GNAI1: variants seen among roughly 807,000 people sequenced by gnomAD.
GNAI1 encodes the protein guanine nucleotide-binding protein G(i) subunit alpha-1.
Under a neutral mutation model 38.9 loss-of-function variants are expected in GNAI1, and 11 were observed. That is an observed-to-expected ratio of 0.28 (90% CI 0.18 to 0.47). GNAI1 has a LOEUF of 0.47. GNAI1 is among the 20% of genes least tolerant of loss of function. The probability of loss-of-function intolerance (pLI) is 0.99; values close to 1 mark genes in which losing one functional copy is unlikely to be tolerated. For synonymous variants in GNAI1, 166 were observed against 145.1 expected, an observed-to-expected ratio of 1.14 and a Z score of -1.04; for missense variants, 317 against 436.9, an observed-to-expected ratio of 0.73 and a Z score of 2.45.
chr7:80,189,085 A>G lies in GNAI1; in HGVS notation c.162-5A>G, dbSNP rs758057840. 3.1e-6 allele frequency: 5 copies of G among 1,606,312 alleles called. No individual in the cohort carries two copies. Among genetic ancestry groups the G allele is most frequent in the South Asian group, 1.1e-5 (1 of 90,514 alleles). On this transcript the variant is annotated splice_polypyrimidine_tract_variant and splice_region_variant and intron_variant, in intron 2 of 7. Coordinates refer to ENST00000649796, the MANE Select transcript of GNAI1 (RefSeq NM_002069.6). The stretch of plus-strand genomic sequence containing the variant: ...AATTCTTTTTTTTCCCTTTTGTCTC[A>G]TTAGAATTATCCATGAAGCTGGTTA...
chr7:80,145,987 TTA>T (rs1787614226), intron 1 of GNAI1, among the ~76,000 whole-genome samples: 4 of 152,186 alleles, frequency 2.6e-5, no homozygotes, highest in Admixed American at 2.6e-4. Context: ...ATCAGGAAAA[TTA>T]TATGTTGCAT....
Position 80,211,117 on chromosome 7 carries a change from A to G in GNAI1, c.720+19A>G, listed in dbSNP as rs930195258. ...AGAAATGGCAAGTAGAACTACTTTA[A>G]GAGTTGAGCTTGAAACATGAAGAGC... On this transcript the variant is annotated intron_variant, in intron 6 of 7. Transcript: ENST00000649796. The G allele has an allele frequency of 6.2e-7, 1 of 1,609,040 alleles. No individual in the cohort carries two copies. The highest frequency in any genetic ancestry group is 1.3e-5 in the African/African-American group (1 of 74,798).
chr7:80,212,624 C>CT, intron 6 of GNAI1, 92 bp from the exon 7 acceptor site: 1 of 696,324 alleles, frequency 1.4e-6, no homozygotes, highest in Non-Finnish European at 2.3e-6. Context: ...AATCACTAAA[C>CT]TCTGTTTTAT....
chr7:80,182,218 A>G (rs1788307329), intron 1 of GNAI1, among the ~76,000 whole-genome samples: 1 of 152,216 alleles, frequency 6.6e-6, no homozygotes, highest in South Asian at 2.1e-4. Flanking sequence ...CATTGTGTAT[A>G]TATACACAAC....
intron 5 of GNAI1, among the ~76,000 whole-genome samples, chr7:80,208,871 T>C (rs547937626): frequency 1.3e-5 from 2 of 152,332 alleles, no homozygotes; most frequent in South Asian, 4.1e-4. Context: ...GCCAGCTGTT[T>C]GCCACTTTAT....
At chr7:80,181,346 C>T (rs1562834199) in intron 1 of GNAI1, among the ~76,000 whole-genome samples, 1 of 152,104 alleles carries the variant, frequency 6.6e-6, no homozygotes. Flanking sequence ...CTTATAAACA[C>T]AAACTCAAAT....
At chr7:80,168,937 C>G (rs1204930961) in intron 1 of GNAI1, among the ~76,000 whole-genome samples, 1 of 152,158 alleles carries the variant, frequency 6.6e-6, no homozygotes, top group South Asian at 2.1e-4. Context: ...GGTTGACTGT[C>G]TTTTTATGTT....
At chr7:80,165,554 T>C (rs901408860) in intron 1 of GNAI1, among the ~76,000 whole-genome samples, 5 of 152,214 alleles carry the variant, frequency 3.3e-5, no homozygotes, top group Non-Finnish European at 5.9e-5. Flanking sequence ...ATTTGATAAA[T>C]TATTTTTAAA....
At chr7:80,143,174 A>G (rs969286996) in intron 1 of GNAI1, among the ~76,000 whole-genome samples, 6 of 152,162 alleles carry the variant, frequency 3.9e-5, no homozygotes, top group African/African-American at 1.4e-4. Flanking sequence ...TTTCCTGTCA[A>G]ATTACGCATT....
intron 3 of GNAI1, among the ~76,000 whole-genome samples, chr7:80,193,490 C>T (rs949656232): frequency 6.6e-6 from 1 of 152,072 alleles, no homozygotes; most frequent in Middle Eastern, 3.2e-3. Flanking sequence ...TCACAGCTTT[C>T]GTAGAATGAG....
intron 1 of GNAI1, among the ~76,000 whole-genome samples, chr7:80,161,459 A>C (rs1303231292): frequency 1.3e-5 from 2 of 152,218 alleles, no homozygotes; most frequent in African/African-American, 4.8e-5. Flanking sequence ...AGTTGTTGAC[A>C]CAAAGAATGA....
intron 1 of GNAI1, chr7:80,187,485 A>G (rs1480908722): frequency 3.9e-5 from 6 of 152,126 alleles, no homozygotes; most frequent in Non-Finnish European, 5.9e-5. Context: ...GATGCTTAAT[A>G]AAAAATCACC....
chr7:80,205,285 G>A (rs1788754535), intron 5 of GNAI1, among the ~76,000 whole-genome samples: 1 of 151,796 alleles, frequency 6.6e-6, no homozygotes, highest in Admixed American at 6.6e-5. Context: ...GGATTTTGTT[G>A]TTCTTTTAAG....
chr7:80,186,397 A>AAG (rs1788387146), intron 1 of GNAI1, among the ~76,000 whole-genome samples: 1 of 152,156 alleles, frequency 6.6e-6, no homozygotes, highest in South Asian at 2.1e-4. Flanking sequence ...TGGATGTGCA[A>AAG]TGCAAAGTAA....
chr7:80,164,867 T>C (rs998483307), intron 1 of GNAI1, among the ~76,000 whole-genome samples: 8 of 151,066 alleles, frequency 5.3e-5, no homozygotes, highest in African/African-American at 2.0e-4. Context: ...TTCAGAGCAT[T>C]AGTATACCAC....
intron 1 of GNAI1, among the ~76,000 whole-genome samples, chr7:80,174,712 A>G (rs1562832042): frequency 6.6e-6 from 1 of 152,210 alleles, no homozygotes; most frequent in East Asian, 1.9e-4. Flanking sequence ...GTCAGCGTAA[A>G]AGCCAGGCTC....
At chr7:80,171,423 G>A (rs1204991170) in intron 1 of GNAI1, among the ~76,000 whole-genome samples, 4 of 152,226 alleles carry the variant, frequency 2.6e-5, no homozygotes, top group African/African-American at 7.2e-5. Flanking sequence ...GACAGCTGAC[G>A]AAGAAAAATA....
chr7:80,199,119 G>A, intron 3 of GNAI1, 106 bp from the exon 4 acceptor site: 1 of 773,572 alleles, frequency 1.3e-6, no homozygotes, highest in Admixed American at 2.7e-5. Flanking sequence ...AAAAACAAAG[G>A]AAGTTCGCTA....
chr7:80,200,291 A>T (rs1424466958), intron 4 of GNAI1, among the ~76,000 whole-genome samples: 1 of 121,418 alleles, frequency 8.2e-6, no homozygotes, highest in Non-Finnish European at 1.6e-5. Flanking sequence ...GTACCACTGC[A>T]CTCCAGCCTG....
Sources: allele counts gnomAD v4.1 joint callset (sites outside exome capture counted in the v4.1 genomes callset), GRCh38; gene constraint gnomAD v4.1.1; transcripts MANE v1.5; gene names NCBI Gene and HGNC (gene_info 2026-07-23, HGNC 2026-07-21).